The following CHIA variants were observed in gnomAD, a reference collection of about 807,000 sequenced individuals.
CHIA encodes the protein chitinase acidic.
Under a neutral mutation model 53.5 loss-of-function variants are expected in CHIA, and 47 were observed. The ratio of observed to expected loss-of-function variants is 0.88; its 90% CI spans 0.70 to 1.12. The LOEUF (loss-of-function observed/expected upper bound fraction) is 1.12. Among genes scored for constraint, CHIA ranks in the 50% most tolerant of loss-of-function variants. The probability of loss-of-function intolerance (pLI) is 0.00; values close to 1 mark genes in which losing one functional copy is unlikely to be tolerated. For missense variants in CHIA, 652 were observed against 592.2 expected (o/e 1.10, Z -1.05); for synonymous variants, 268 against 222.2 (o/e 1.21, Z -1.83).
At chr1:111,318,439 A>G in intron 8 of CHIA, 54 bp from the exon 9 acceptor site, 1 of 1,444,094 alleles carries the variant, frequency 6.9e-7, no homozygotes, top group South Asian at 1.2e-5. Flanking sequence ...TAATATAACT[A>G]AGTACTGGGT....
chr1:111,297,192 A>G (rs1647235117), intron 1 of CHIA, among the ~76,000 whole-genome samples: 1 of 152,138 alleles, frequency 6.6e-6, no homozygotes, highest in Non-Finnish European at 1.5e-5. Flanking sequence ...CTAGCAAGGT[A>G]GGCCAACATT....
chr1:111,309,242 C>G (rs79918016), intron 1 of CHIA, among the ~76,000 whole-genome samples: 18,434 of 152,156 alleles, frequency 0.12, 1,189 homozygotes, highest in African/African-American at 0.17. Context: ...GAGAGTAGAA[C>G]AAAACACTTA....
chr1:111,312,789 C>T (rs986551462), intron 4 of CHIA, among the ~76,000 whole-genome samples: 5 of 151,774 alleles, frequency 3.3e-5, no homozygotes, highest in Admixed American at 6.6e-5. Flanking sequence ...GACCAACATG[C>T]CCCCCAACCC....
rs1323093258 is a variant in CHIA, at chr1:111,299,355, C to A, written c.-69+8405C>A. On this transcript the variant is annotated intron_variant, in intron 1 of 11. Transcript: ENST00000369740. ...AAATCCTCAATAAAATACTGGCAAA[C>A]CAAATCTGGCAGCATATCAAAAAGC... Among the ~76,000 whole-genome samples, 4 of 152,286 alleles carry A rather than the reference C, an allele frequency of 2.6e-5. No individual in the cohort carries two copies. The South Asian group carries it at 6.2e-4, about 24-fold the overall frequency.
rs79457832 is a variant in CHIA at position 111,314,888 on chromosome 1, C to G, written c.314+292C>G. The G allele has an allele frequency of 7.8e-4, 339 of 437,064 alleles. 1 individual carries two copies. Among genetic ancestry groups the G allele is most frequent in the African/African-American group, 6.1e-3 (305 of 49,860 alleles). 27.1% of individuals were successfully genotyped at this position (437,064 alleles called of 1,614,324 possible). On this transcript the variant is annotated intron_variant, in intron 5 of 11. Coordinates refer to ENST00000369740, the MANE Select transcript of CHIA (RefSeq NM_201653.4). ...ATTTCAAGAGTACAAACCCTGAGGA[C>G]AGTGTTATAATGCTTCCCTCTATTT...
At position 111,303,813 on chromosome 1, in the gene CHIA, T is replaced by G. The variant is rs1158115207; in HGVS notation, c.-68-6587T>G. ...TAATACTAGCTTTTATAATTGCCCA[T>G]GTGTTTACTTTTACTGAGAACTTTG... On this transcript the variant is annotated intron_variant, in intron 1 of 11. Coordinates refer to ENST00000369740, the MANE Select transcript of CHIA (RefSeq NM_201653.4). Among the ~76,000 whole-genome samples the G allele has an allele frequency of 3.3e-5, 5 of 152,198 alleles. No homozygotes were observed. The South Asian group carries it at 1.0e-3, about 31-fold the overall frequency.
chr1:111,297,885 C>T (rs999062258), intron 1 of CHIA, among the ~76,000 whole-genome samples: 1 of 80,382 alleles, frequency 1.2e-5, no homozygotes, highest in Non-Finnish European at 2.3e-5. Context: ...GGAAGATCTA[C>T]CAAGCAAATG....
Position 111,320,420 on chromosome 1 carries a change from C to A in CHIA, c.1385C>A (p.Ala462Asp), listed in dbSNP as rs769753703. ...NGVTYQQNCQAGLVFDTSCDC... is the reference protein window; with the variant it reads ...NGVTYQQNCQDGLVFDTSCDC... Reference sequence around the variant, plus strand: ...GTCACGTACCAGCAGAACTGCCAGGCCGGGCTTGTCTTCGACACCAGCTGT... The same window carrying A: ...GTCACGTACCAGCAGAACTGCCAGGACGGGCTTGTCTTCGACACCAGCTGT... The change falls in exon 12 of 12, where the codon GCC becomes GAC. Residue 462 changes from alanine to aspartate, a missense_variant. Ala to Asp is a moderately radical substitution (Grantham distance 126). Coordinates refer to ENST00000369740, the MANE Select transcript of CHIA (RefSeq NM_201653.4). The A allele has an allele frequency of 3.7e-6, 6 of 1,614,164 alleles. No homozygotes were observed. Among genetic ancestry groups the A allele is most frequent in the Non-Finnish European group, 5.1e-6 (6 of 1,180,012 alleles).
At chr1:111,310,319 G>T in intron 1 of CHIA, 81 bp from the exon 2 acceptor site, 2 of 1,468,948 alleles carry the variant, frequency 1.4e-6, no homozygotes, top group South Asian at 2.9e-5. Context: ...GAAGGTCTTG[G>T]GAGGGTGTTT....
At chr1:111,307,941 C>T (rs541531472) in intron 1 of CHIA, among the ~76,000 whole-genome samples, 3 of 152,186 alleles carry the variant, frequency 2.0e-5, no homozygotes, top group African/African-American at 7.2e-5. Flanking sequence ...CAGGCTTGGC[C>T]ATATTTTTCT....
intron 6 of CHIA, chr1:111,316,181 G>A: frequency 5.5e-6 from 1 of 180,236 alleles, no homozygotes; most frequent in Admixed American, 5.7e-5. Context: ...AGATAAGTGT[G>A]AGCAAGTGGG....
In CHIA at chr1:111,320,548, A is replaced by C. The variant is rs1485724459; in HGVS notation, c.*82A>C. 2.2e-6 allele frequency: 3 copies of C among 1,338,990 alleles called. No homozygotes were observed. The highest frequency in any genetic ancestry group is 3.2e-6 in the Non-Finnish European group (3 of 948,884). 82.9% of individuals were successfully genotyped at this position (1,338,990 alleles called of 1,614,324 possible). On this transcript the variant is annotated 3_prime_UTR_variant, in exon 12 of 12. Coordinates refer to ENST00000369740, the MANE Select transcript of CHIA (RefSeq NM_201653.4). ...CCCCTACCTAAAGTCCTGCAATAAAATCAGCAGTCAAAACATGACTGTCCT... is the reference window on the plus strand; with the variant it reads ...CCCCTACCTAAAGTCCTGCAATAAACTCAGCAGTCAAAACATGACTGTCCT...
intron 1 of CHIA, among the ~76,000 whole-genome samples, chr1:111,304,401 T>G (rs1017042311): frequency 6.6e-6 from 1 of 152,180 alleles, no homozygotes; most frequent in Admixed American, 6.5e-5. Flanking sequence ...TTTTCACATG[T>G]CCTTTAGGCT....
At chr1:111,312,488 A>G in intron 4 of CHIA, 97 bp downstream of exon 4, 1 of 960,144 alleles carries the variant, frequency 1.0e-6, no homozygotes, top group Non-Finnish European at 1.6e-6. Flanking sequence ...TGGATCTGAG[A>G]TGGGGACCAA....
chr1:111,296,867 G>C (rs1426671884), intron 1 of CHIA, among the ~76,000 whole-genome samples: 1 of 152,210 alleles, frequency 6.6e-6, no homozygotes, highest in African/African-American at 2.4e-5. Flanking sequence ...AAACAGTGTA[G>C]AGAAGAACTT....
chr1:111,296,353 G>A (rs183601936), intron 1 of CHIA, among the ~76,000 whole-genome samples: 35 of 152,190 alleles, frequency 2.3e-4, no homozygotes, highest in African/African-American at 8.2e-4. Context: ...GCTTCCAGAG[G>A]AAGGATCAGG....
Position 111,314,615 on chromosome 1 carries a change from G to A in CHIA, c.314+19G>A. ...CTGCCCCGTAAGTCTTCTATGGAGA[G>A]CATGTTGTTCGTTTGCTATGGAAAA... On this transcript the variant is annotated intron_variant, in intron 5 of 11. Transcript: ENST00000369740. 4.4e-6 allele frequency: 7 copies of A among 1,603,030 alleles called. No individual in the cohort carries two copies. The highest frequency in any genetic ancestry group is 6.0e-6 in the Non-Finnish European group (7 of 1,170,088).
intron 1 of CHIA, among the ~76,000 whole-genome samples, chr1:111,307,849 C>A (rs1186581206): frequency 1.3e-5 from 2 of 152,028 alleles, no homozygotes; most frequent in Non-Finnish European, 2.9e-5. Flanking sequence ...ACCATGTTGA[C>A]CCAGCTGGTC....
At chr1:111,317,932 A>C in intron 7 of CHIA, 54 bp from the exon 8 acceptor site, 2 of 1,613,174 alleles carry the variant, frequency 1.2e-6, no homozygotes, top group East Asian at 4.5e-5. Context: ...CTGTGCCTGC[A>C]TAGGTGTGGG....
Sources: allele counts gnomAD v4.1 joint callset (sites outside exome capture counted in the v4.1 genomes callset), GRCh38; gene constraint gnomAD v4.1.1; transcripts MANE v1.5; gene names NCBI Gene and HGNC (gene_info 2026-07-23, HGNC 2026-07-21).